The following RYR3 variants were observed in gnomAD, a reference collection of about 807,000 sequenced individuals.
The protein encoded by RYR3 is brain ryanodine receptor-calcium release channel.
In RYR3, 207 loss-of-function variants were observed where a neutral mutation model predicts 584.3. The observed-to-expected ratio is 0.35, with a 90% CI of 0.32 to 0.40. The LOEUF (loss-of-function observed/expected upper bound fraction) is 0.40, where lower values mean the gene tolerates loss of function less well. Ranked by LOEUF, RYR3 falls within the 10% of genes least tolerant of loss-of-function variation. The pLI is 1.00. For missense variants in RYR3, 5,616 were observed against 6,089.2 expected (o/e 0.92, Z 2.59); for synonymous variants, 2,416 against 2,248.5 (o/e 1.07, Z -2.11).
intron 8 of RYR3, among the ~76,000 whole-genome samples, chr15:33,544,020 CA>C (rs1343184806): frequency 6.6e-6 from 1 of 152,122 alleles, no homozygotes; most frequent in Non-Finnish European, 1.5e-5. Flanking sequence ...TCTCTATTTC[CA>C]TTTCATGTGC....
intron 90 of RYR3, among the ~76,000 whole-genome samples, chr15:33,841,261 C>T (rs1013133638): frequency 1.3e-5 from 2 of 152,138 alleles, no homozygotes; most frequent in Non-Finnish European, 2.9e-5. Context: ...TTATTGATAG[C>T]ATCTGATATT....
At position 33,372,877 on chromosome 15, in the gene RYR3, T is replaced by G. The variant is rs142702954; in HGVS notation, c.51+61781T>G. Reference sequence around the variant, plus strand: ...ACCACCCTTCCTGACTATTTCAGTGTGTGTCAAATTTTGCTTTCTCCAAAG... The same window carrying G: ...ACCACCCTTCCTGACTATTTCAGTGGGTGTCAAATTTTGCTTTCTCCAAAG... On this transcript the variant is annotated intron_variant, in intron 1 of 103. Coordinates refer to ENST00000634891, the MANE Select transcript of RYR3 (RefSeq NM_001036.6). 6.2e-3 allele frequency among the ~76,000 whole-genome samples: 940 copies of G among 152,322 alleles called. 13 individuals carry two copies. The highest frequency in any genetic ancestry group is 0.021 in the African/African-American group (886 of 41,568).
chr15:33,724,081 G>C lies in RYR3; in HGVS notation c.6817G>C (p.Glu2273Gln). Residue 2273 changes from glutamate to glutamine, a missense_variant, in exon 45 of 104, where the codon GAA (glutamate) becomes CAA (glutamine). This residue lies in a region of RYR3 where 1,280 missense variants were observed against 1,426.2 expected (regional missense o/e 0.90). Coordinates refer to ENST00000634891, the MANE Select transcript of RYR3 (RefSeq NM_001036.6). ...TTCTCTCAGCAGCACGGGGGACGAT[G>C]AAGAGGAAGAAGAAATCGTGCATAT... is the stretch of plus-strand genomic sequence containing the variant. ...YKREVSTGDD[E>Q]EEEEIVHMGN... is the part of the protein sequence containing the mutation. The C allele has an allele frequency of 6.2e-7, 1 of 1,609,052 alleles. No homozygotes were observed.
intron 2 of RYR3, among the ~76,000 whole-genome samples, chr15:33,489,428 A>G (rs551027075): frequency 6.6e-6 from 1 of 152,216 alleles, no homozygotes; most frequent in East Asian, 1.9e-4. Flanking sequence ...CTCACCATTT[A>G]GCTCCCACTT....
intron 61 of RYR3, among the ~76,000 whole-genome samples, 182 bp from the exon 62 acceptor site, chr15:33,768,930 C>G (rs2073333509): frequency 1.4e-5 from 2 of 146,690 alleles, no homozygotes; most frequent in Non-Finnish European, 3.1e-5. Flanking sequence ...CCTCTGACAT[C>G]CATCATAAAG....
At chr15:33,453,612 G>A (rs1343759131) in intron 1 of RYR3, among the ~76,000 whole-genome samples, 1 of 152,188 alleles carries the variant, frequency 6.6e-6, no homozygotes, top group African/African-American at 2.4e-5. Flanking sequence ...GTATACAAAT[G>A]TTAACTGTCC....
chr15:33,781,980 G>A (rs1269308161), intron 65 of RYR3, among the ~76,000 whole-genome samples: 1 of 152,162 alleles, frequency 6.6e-6, no homozygotes, highest in Non-Finnish European at 1.5e-5. Context: ...AGAAGTGGCT[G>A]TGACATCTCC....
chr15:33,738,073 C>T (rs1261657827), intron 49 of RYR3, among the ~76,000 whole-genome samples: 1 of 152,144 alleles, frequency 6.6e-6, no homozygotes, highest in African/African-American at 2.4e-5. Flanking sequence ...TCCAGAATTA[C>T]AAGCAAAGGT....
intron 3 of RYR3, among the ~76,000 whole-genome samples, chr15:33,528,624 CTT>C (rs1305638079): frequency 2.6e-5 from 4 of 152,184 alleles, no homozygotes; most frequent in African/African-American, 9.7e-5. Flanking sequence ...AGTGCCCTCA[CTT>C]TTGTTAAATC....
chr15:33,539,164 A>G (rs1350926444), intron 5 of RYR3, 186 bp from the exon 6 acceptor site: 2 of 469,046 alleles, frequency 4.3e-6, no homozygotes, highest in Non-Finnish European at 7.7e-6. Context: ...AATGAAAATG[A>G]CAGACATAGT....
At chr15:33,771,782 C>G in intron 62 of RYR3, 138 bp from the exon 63 acceptor site, 1 of 649,880 alleles carries the variant, frequency 1.5e-6, no homozygotes. Flanking sequence ...GTTAACTGCT[C>G]TCTCCCTTTC....
chr15:33,490,615 C>T (rs1377915992), intron 2 of RYR3, among the ~76,000 whole-genome samples: 6 of 152,018 alleles, frequency 3.9e-5, no homozygotes, highest in African/African-American at 1.4e-4. Context: ...AACAATTTAA[C>T]TTCTTTTACC....
At chr15:33,637,099 A>G (rs1054854838) in intron 27 of RYR3, among the ~76,000 whole-genome samples, 5 of 152,234 alleles carry the variant, frequency 3.3e-5, no homozygotes, top group African/African-American at 1.2e-4. Context: ...ATGTCCATGA[A>G]TAGACCACAG....
intron 1 of RYR3, among the ~76,000 whole-genome samples, chr15:33,389,424 T>G (rs1183217533): frequency 1.3e-5 from 2 of 152,134 alleles, no homozygotes; most frequent in Admixed American, 6.6e-5. Context: ...TAAATAAAAG[T>G]GGTTGCTACT....
intron 16 of RYR3, among the ~76,000 whole-genome samples, chr15:33,587,471 A>C (rs1168181530): frequency 1.3e-5 from 2 of 152,202 alleles, no homozygotes; most frequent in East Asian, 1.9e-4. Context: ...GCCAAAAGCC[A>C]CAAAGCATTT....
At chr15:33,596,578 G>C (rs768911180) in intron 16 of RYR3, among the ~76,000 whole-genome samples, 3 of 151,740 alleles carry the variant, frequency 2.0e-5, no homozygotes, top group Non-Finnish European at 4.4e-5. Flanking sequence ...GGGGTACATA[G>C]TGATGTTGTG....
At chr15:33,450,601 TTC>T (rs1331265926) in intron 1 of RYR3, among the ~76,000 whole-genome samples, 2 of 150,784 alleles carry the variant, frequency 1.3e-5, no homozygotes, top group Non-Finnish European at 3.0e-5. Flanking sequence ...TTTTTGAGGG[TTC>T]TTTTTTTTTT....
chr15:33,843,055 C>G (rs1247804110), intron 91 of RYR3, among the ~76,000 whole-genome samples: 1 of 151,792 alleles, frequency 6.6e-6, no homozygotes, highest in Non-Finnish European at 1.5e-5. Flanking sequence ...CACGGTGGCT[C>G]ACGCCTGTAA....
chr15:33,373,115 A>G lies in RYR3; in HGVS notation c.51+62019A>G, dbSNP rs532900224. On this transcript the variant is annotated intron_variant, in intron 1 of 103. Transcript: ENST00000634891. ...TTTACTTTGAGTTAGGTTTTCAGGAATGGTGGATTCATGCTGATCAAGTCT... is the reference window on the plus strand; with the variant it reads ...TTTACTTTGAGTTAGGTTTTCAGGAGTGGTGGATTCATGCTGATCAAGTCT... Among the ~76,000 whole-genome samples the G allele has an allele frequency of 4.6e-5, 7 of 152,322 alleles. No individual in the cohort carries two copies. In the South Asian group the frequency reaches 1.5e-3, roughly 32 times the overall value.
Sources: gnomAD v4.1 joint callset for allele counts (sites outside exome capture counted in the v4.1 genomes callset) on GRCh38, gnomAD v4.1.1 for gene constraint, gnomAD v4.1.1 regional missense constraint, MANE v1.5 for transcripts, NCBI Gene and HGNC (gene_info 2026-07-23, HGNC 2026-07-21) for gene names.